The following SNW1 variants were observed in gnomAD, a reference collection of about 807,000 sequenced individuals.
SNW1 encodes the protein SNW domain-containing protein 1.
A neutral mutation model predicts 75.6 loss-of-function variants in SNW1; 9 were observed. The ratio of observed to expected loss-of-function variants is 0.12; its 90% CI spans 0.07 to 0.21. SNW1 has a LOEUF of 0.21. SNW1 is among the 10% of genes least tolerant of loss of function. The pLI is 1.00. For missense variants in SNW1, 409 were observed against 670.9 expected, an observed-to-expected ratio of 0.61 and a Z score of 4.31; for synonymous variants, 200 against 219.1, an observed-to-expected ratio of 0.91 and a Z score of 0.77.
At chr14:77,720,580 C>G (rs1411135788) in intron 12 of SNW1, 131 bp downstream of exon 12, 1 of 785,168 alleles carries the variant, frequency 1.3e-6, no homozygotes, top group Non-Finnish European at 2.4e-6. Context: ...TCTCAAGTTT[C>G]AACATACAAC....
rs570894331 is a variant in SNW1 at position 77,754,153 on chromosome 14, T to A, written c.168+814A>T. ...TCTGCCTCCCAGGTTCAAGCAATTC[T>A]CCCGCCTCAGCCTCCGGAGTAGCTG... is the stretch of plus-strand genomic sequence containing the variant. On this transcript the variant is annotated intron_variant, in intron 2 of 13. Transcript: ENST00000261531. Among the ~76,000 whole-genome samples the A allele has an allele frequency of 2.6e-5, 4 of 151,552 alleles. No individual in the cohort carries two copies. In the South Asian group the frequency reaches 8.4e-4, roughly 32 times the overall value.
chr14:77,747,632 T>G (rs2080771999), intron 3 of SNW1, among the ~76,000 whole-genome samples: 1 of 148,540 alleles, frequency 6.7e-6, no homozygotes, highest in African/African-American at 2.5e-5. Context: ...GAAGAGCCCC[T>G]CCGCCCGGCA....
intron 3 of SNW1, among the ~76,000 whole-genome samples, chr14:77,748,079 T>C (rs1477267892): frequency 6.6e-6 from 1 of 152,236 alleles, no homozygotes; most frequent in African/African-American, 2.4e-5. Flanking sequence ...AAAATTCTTC[T>C]GCCTTTGGAT....
At chr14:77,760,775 CA>C in intron 1 of SNW1, 1 of 705,078 alleles carries the variant, frequency 1.4e-6, no homozygotes, top group Non-Finnish European at 2.6e-6. Context: ...CCACTACCGT[CA>C]CCAACCCCAT....
chr14:77,733,406 G>A (rs1294571078), intron 8 of SNW1, among the ~76,000 whole-genome samples: 6 of 152,068 alleles, frequency 3.9e-5, no homozygotes, highest in African/African-American at 9.7e-5. Flanking sequence ...CTGCTGTACT[G>A]TCTTAATGAT....
intron 10 of SNW1, 55 bp downstream of exon 10, chr14:77,730,918 AAAGATTTTCTAAAAT>A: frequency 6.5e-7 from 1 of 1,544,246 alleles, no homozygotes; most frequent in Non-Finnish European, 8.8e-7. Context: ...GCAGTAGGAA[AAAGATTTTCTAAAAT>A]AAGATATATT....
chr14:77,757,282 A>G (rs1458389792), intron 1 of SNW1, among the ~76,000 whole-genome samples: 1 of 152,168 alleles, frequency 6.6e-6, no homozygotes, highest in Non-Finnish European at 1.5e-5. Context: ...TATGATGGAA[A>G]AATATAGATG....
chr14:77,752,907 T>C (rs1160583027), intron 2 of SNW1, among the ~76,000 whole-genome samples: 1 of 152,200 alleles, frequency 6.6e-6, no homozygotes, highest in East Asian at 1.9e-4. Context: ...CATTTTCTTG[T>C]AAATGAGAAA....
chr14:77,752,685 A>C (rs1478335567), intron 2 of SNW1, among the ~76,000 whole-genome samples: 1 of 152,182 alleles, frequency 6.6e-6, no homozygotes, highest in Non-Finnish European at 1.5e-5. Context: ...AAAACAGCCA[A>C]ATGAGTACTA....
chr14:77,757,804 A>G (rs1408551890), intron 1 of SNW1, among the ~76,000 whole-genome samples: 1 of 151,740 alleles, frequency 6.6e-6, no homozygotes, highest in Non-Finnish European at 1.5e-5. Context: ...AAATAAATAC[A>G]CTCTTCCCCA....
At chr14:77,744,446 C>CAAAAAA (rs11335115) in intron 3 of SNW1, among the ~76,000 whole-genome samples, 175 of 82,754 alleles carry the variant, frequency 2.1e-3, no homozygotes, top group East Asian at 2.8e-3. Context: ...GTCTCCATCT[C>CAAAAAA]AAAAAAAAAA....
chr14:77,727,701 A>G (rs1280157616), intron 10 of SNW1, among the ~76,000 whole-genome samples: 1 of 152,162 alleles, frequency 6.6e-6, no homozygotes. Context: ...ACTGATTTGC[A>G]TATACTGAAC....
chr14:77,744,949 C>T (rs1305777972), intron 3 of SNW1, among the ~76,000 whole-genome samples: 1 of 152,158 alleles, frequency 6.6e-6, no homozygotes, highest in Non-Finnish European at 1.5e-5. Flanking sequence ...GTGGACTACA[C>T]TTCCTCACTG....
chr14:77,739,118 A>C, intron 3 of SNW1, 57 bp from the exon 4 acceptor site: 175 of 1,272,960 alleles, frequency 1.4e-4, no homozygotes, highest in Non-Finnish European at 1.9e-4. Context: ...AAGAAACCTC[A>C]TTAGCCATTT....
At position 77,717,653 on chromosome 14, in the gene SNW1, T is replaced by C; in HGVS notation, c.*435A>G. 1 of 1,280,874 alleles carries C rather than the reference T, an allele frequency of 7.8e-7. No homozygotes were observed. Among genetic ancestry groups the C allele is most frequent in the African/African-American group, 1.5e-5 (1 of 67,336 alleles). The allele number at this position is 1,280,874 out of a possible 1,614,324, so 79.3% of individuals were successfully genotyped here. ...ATAGTTGCACCAAGCAAGAGGTTACTTTGCCCACTCCAAATTAAAACAGAG... is the reference window on the plus strand; with the variant it reads ...ATAGTTGCACCAAGCAAGAGGTTACCTTGCCCACTCCAAATTAAAACAGAG... On this transcript the variant is annotated 3_prime_UTR_variant, in exon 14 of 14. Coordinates refer to ENST00000261531, the MANE Select transcript of SNW1 (RefSeq NM_012245.3).
intron 3 of SNW1, among the ~76,000 whole-genome samples, chr14:77,740,135 T>TAAAAA (rs1170373918): frequency 1.7e-4 from 11 of 65,190 alleles, no homozygotes; most frequent in African/African-American, 2.2e-4. Flanking sequence ...CACTGTATAT[T>TAAAAA]AAAAAAAAAA....
At chr14:77,737,759 G>C (rs2080684463) in intron 5 of SNW1, among the ~76,000 whole-genome samples, 1 of 152,158 alleles carries the variant, frequency 6.6e-6, no homozygotes, top group Admixed American at 6.5e-5. Context: ...GGGAGGCCGA[G>C]GTGGGCAGAT....
intron 8 of SNW1, chr14:77,734,024 A>T: frequency 2.8e-6 from 1 of 356,764 alleles, no homozygotes; most frequent in Admixed American, 3.4e-5. Flanking sequence ...AAATCAGACC[A>T]GTCGGCAACC....
At chr14:77,724,492 ATCTC>A (rs1476208756) in intron 10 of SNW1, among the ~76,000 whole-genome samples, 1 of 152,102 alleles carries the variant, frequency 6.6e-6, no homozygotes, top group Non-Finnish European at 1.5e-5. Flanking sequence ...CCATCAACCA[ATCTC>A]TCTTCATTCC....
Sources: gnomAD v4.1 joint callset for allele counts (sites outside exome capture counted in the v4.1 genomes callset) on GRCh38, gnomAD v4.1.1 for gene constraint, MANE v1.5 for transcripts, NCBI Gene and HGNC (gene_info 2026-07-23, HGNC 2026-07-21) for gene names.